PCOLCE2: variants seen among roughly 807,000 people sequenced by gnomAD.
PCOLCE2 encodes procollagen C-proteinase enhancer 2.
A neutral mutation model predicts 47.0 loss-of-function variants in PCOLCE2; 42 were observed. The observed-to-expected ratio is 0.89, with a 90% CI of 0.70 to 1.16. PCOLCE2 has a LOEUF of 1.16. PCOLCE2 is among the 50% of genes most tolerant of loss of function. The probability of loss-of-function intolerance (pLI) is 0.00; values close to 1 mark genes in which losing one functional copy is unlikely to be tolerated. For synonymous variants in PCOLCE2, 169 were observed against 191.7 expected (o/e 0.88, Z 0.98); for missense variants, 500 against 526.1 (o/e 0.95, Z 0.49).
intron 2 of PCOLCE2, among the ~76,000 whole-genome samples, chr3:142,885,420 T>C (rs1223243346): frequency 6.6e-6 from 1 of 152,170 alleles, no homozygotes; most frequent in Non-Finnish European, 1.5e-5. Context: ...CTATTCTTGG[T>C]TTACTGACTG....
chr3:142,826,067 C>T (rs566327003), intron 6 of PCOLCE2, among the ~76,000 whole-genome samples: 3 of 151,968 alleles, frequency 2.0e-5, no homozygotes, highest in South Asian at 2.1e-4. Context: ...TGCAGTGGCG[C>T]GATGTCGGCT....
Position 142,842,501 on chromosome 3 carries a change from G to T in PCOLCE2, c.573+423C>A, listed in dbSNP as rs1035259225. On this transcript the variant is annotated intron_variant, in intron 4 of 8. Transcript: ENST00000295992. The surrounding 1 kb of genome is among the most constrained non-coding windows in gnomAD (Gnocchi z 4.1). ...ATCTGTAATCCCAGCATTTTGGGAGGCTAAGGCAGACGGATCTCCTGAGGC... is the reference window on the plus strand; with the variant it reads ...ATCTGTAATCCCAGCATTTTGGGAGTCTAAGGCAGACGGATCTCCTGAGGC... Among the ~76,000 whole-genome samples the T allele has an allele frequency of 6.6e-6, 1 of 152,166 alleles. No individual in the cohort carries two copies. Among genetic ancestry groups the T allele is most frequent in the South Asian group, 2.1e-4 (1 of 4,832 alleles).
chr3:142,838,305 C>T (rs1937227289), intron 5 of PCOLCE2, among the ~76,000 whole-genome samples: 1 of 152,016 alleles, frequency 6.6e-6, no homozygotes, highest in South Asian at 2.1e-4. Flanking sequence ...TAATATAATC[C>T]CCAATGTTGA....
chr3:142,842,465 C>T lies in PCOLCE2; in HGVS notation c.573+459G>A, dbSNP rs1219235025. Among the ~76,000 whole-genome samples, 4 of 152,120 alleles carry T rather than the reference C, an allele frequency of 2.6e-5. No homozygotes were observed. The highest frequency in any genetic ancestry group is 4.4e-5 in the Non-Finnish European group (3 of 68,036). ...AAAAATGCAAAGGCTAGGCCGGGCACGGTGGCTCACATCTGTAATCCCAGC... is the reference window on the plus strand; with the variant it reads ...AAAAATGCAAAGGCTAGGCCGGGCATGGTGGCTCACATCTGTAATCCCAGC... On this transcript the variant is annotated intron_variant, in intron 4 of 8. Coordinates refer to ENST00000295992, the MANE Select transcript of PCOLCE2 (RefSeq NM_013363.4). The surrounding 1 kb of genome is among the most constrained non-coding windows in gnomAD (Gnocchi z 4.1).
intron 3 of PCOLCE2, 47 bp downstream of exon 3, chr3:142,848,170 A>G (rs1431375882): frequency 1.3e-6 from 2 of 1,587,122 alleles, no homozygotes; most frequent in Admixed American, 1.7e-5. Context: ...TGCCAAGAAC[A>G]GTGAACCAAC....
At chr3:142,860,558 A>C (rs1933163010) in intron 2 of PCOLCE2, among the ~76,000 whole-genome samples, 1 of 151,900 alleles carries the variant, frequency 6.6e-6, no homozygotes, top group African/African-American at 2.4e-5. Flanking sequence ...ACAGGCGCCC[A>C]CCACCACGCC....
At chr3:142,855,705 A>ACCCATTC (rs1933048075) in intron 2 of PCOLCE2, among the ~76,000 whole-genome samples, 1 of 151,932 alleles carries the variant, frequency 6.6e-6, no homozygotes, top group African/African-American at 2.4e-5. Flanking sequence ...TGCACCCATT[A>ACCCATTC]CCTCCAGGCC....
intron 4 of PCOLCE2, among the ~76,000 whole-genome samples, chr3:142,841,421 T>A (rs953983264): frequency 6.6e-6 from 1 of 152,228 alleles, no homozygotes; most frequent in Non-Finnish European, 1.5e-5. Context: ...AAGAGATGCT[T>A]AACTGTAATC....
rs577444157 is a variant in PCOLCE2 at position 142,879,620 on chromosome 3, T to C, written c.192+8049A>G. On this transcript the variant is annotated intron_variant, in intron 2 of 8. Transcript: ENST00000295992. ...TAAGGCAATAATGAAAACTTTTTAATTTTTCTGCTATCTTAATAACTGACA... is the reference window on the plus strand; with the variant it reads ...TAAGGCAATAATGAAAACTTTTTAACTTTTCTGCTATCTTAATAACTGACA... Among the ~76,000 whole-genome samples the C allele has an allele frequency of 5.3e-5, 8 of 152,354 alleles. No homozygotes were observed. In the East Asian group the frequency reaches 1.5e-3, roughly 29 times the overall value.
At chr3:142,822,178 A>C (rs1384057075) in intron 7 of PCOLCE2, among the ~76,000 whole-genome samples, 1 of 152,094 alleles carries the variant, frequency 6.6e-6, no homozygotes, top group Non-Finnish European at 1.5e-5. Context: ...CGGCCTCCAA[A>C]GTACTGGGAT....
chr3:142,849,277 A>C (rs182771073), intron 2 of PCOLCE2, among the ~76,000 whole-genome samples: 11 of 152,336 alleles, frequency 7.2e-5, no homozygotes, highest in Admixed American at 2.0e-4. Flanking sequence ...ATTTACAGAT[A>C]ATTCATTTTG....
Position 142,843,060 on chromosome 3 carries a change from A to T in PCOLCE2, c.449-12T>A, listed in dbSNP as rs1231455331. 1 of 1,610,938 alleles carries T rather than the reference A, an allele frequency of 6.2e-7. No individual in the cohort carries two copies. The highest frequency in any genetic ancestry group is 8.5e-7 in the Non-Finnish European group (1 of 1,178,624). ...ACAATACTGATCCCCTTCAAGTATTAAACAAGGAAAAAAGCCCACAAGTTT... is the reference window on the plus strand; with the variant it reads ...ACAATACTGATCCCCTTCAAGTATTTAACAAGGAAAAAAGCCCACAAGTTT... On this transcript the variant is annotated splice_polypyrimidine_tract_variant and intron_variant, in intron 3 of 8. Coordinates refer to ENST00000295992, the MANE Select transcript of PCOLCE2 (RefSeq NM_013363.4).
Position 142,820,925 on chromosome 3 carries a change from C to T in PCOLCE2, c.1070G>A (p.Ser357Asn). The change falls in exon 8 of 9, where the codon AGT (serine) becomes AAT (asparagine). Residue 357 changes from serine to asparagine, a missense_variant. Ser to Asn is a conservative substitution (Grantham distance 46). Coordinates refer to ENST00000295992, the MANE Select transcript of PCOLCE2 (RefSeq NM_013363.4). ...LAIQQAGKNM[S>N]ARLTVVCKQC... ...CTTGCAGACGACAGTCAGCCTGGCA[C>T]TCATGTTCTTGCCCGCCTGCTGAAT... 1.2e-6 allele frequency: 2 copies of T among 1,614,134 alleles called. No individual in the cohort carries two copies. Among genetic ancestry groups the T allele is most frequent in the Non-Finnish European group, 1.7e-6 (2 of 1,179,994 alleles).
intron 6 of PCOLCE2, among the ~76,000 whole-genome samples, chr3:142,826,004 C>A (rs1937072182): frequency 6.6e-6 from 1 of 150,450 alleles, no homozygotes; most frequent in Admixed American, 6.6e-5. Context: ...GGTGACCTTG[C>A]CTTTTTTTTT....
chr3:142,822,254 A>G (rs1937024083), intron 7 of PCOLCE2, among the ~76,000 whole-genome samples: 1 of 152,016 alleles, frequency 6.6e-6, no homozygotes, highest in African/African-American at 2.4e-5. Context: ...TCCTAGAAAA[A>G]TCAGTAGCAG....
intron 2 of PCOLCE2, among the ~76,000 whole-genome samples, chr3:142,868,834 T>G (rs185393123): frequency 6.6e-5 from 10 of 152,344 alleles, no homozygotes; most frequent in Non-Finnish European, 1.3e-4. Flanking sequence ...GGGCGCACTA[T>G]TCAATAGAAG....
intron 2 of PCOLCE2, among the ~76,000 whole-genome samples, chr3:142,876,333 T>C (rs1456626981): frequency 6.6e-6 from 1 of 151,910 alleles, no homozygotes. Flanking sequence ...CACACAGTAA[T>C]TTCAGTCCCA....
intron 3 of PCOLCE2, among the ~76,000 whole-genome samples, chr3:142,847,766 A>G (rs910750371): frequency 1.3e-5 from 2 of 152,120 alleles, no homozygotes; most frequent in Non-Finnish European, 2.9e-5. Context: ...TGAATTTCTG[A>G]GCTCAAGAGA....
intron 2 of PCOLCE2, among the ~76,000 whole-genome samples, chr3:142,884,303 T>C (rs1382584238): frequency 6.6e-6 from 1 of 152,172 alleles, no homozygotes; most frequent in Non-Finnish European, 1.5e-5. Flanking sequence ...TAAATTAGGG[T>C]GACTTATGCC....
Sources: allele counts gnomAD v4.1 joint callset (sites outside exome capture counted in the v4.1 genomes callset), GRCh38; gene constraint gnomAD v4.1.1; non-coding constraint Gnocchi (gnomAD v3.1); transcripts MANE v1.5; gene names NCBI Gene and HGNC (gene_info 2026-07-23, HGNC 2026-07-21).